OPCML: variants seen among roughly 807,000 people sequenced by gnomAD.
OPCML encodes the protein opioid binding protein/cell adhesion molecule like.
OPCML carries 13 observed loss-of-function variants against 37.8 expected under a neutral mutation model. The ratio of observed to expected loss-of-function variants is 0.34; its 90% CI spans 0.22 to 0.55. OPCML has a LOEUF of 0.55. OPCML is among the 20% of genes least tolerant of loss of function. The probability of loss-of-function intolerance (pLI) is 0.91; values close to 1 mark genes in which losing one functional copy is unlikely to be tolerated. For missense variants in OPCML, 341 were observed against 435.6 expected, an observed-to-expected ratio of 0.78 and a Z score of 1.93; for synonymous variants, 176 against 168.8, an observed-to-expected ratio of 1.04 and a Z score of -0.33.
intron 1 of OPCML, among the ~76,000 whole-genome samples, chr11:133,048,343 G>A (rs375425246): frequency 2.6e-5 from 4 of 151,942 alleles, no homozygotes; most frequent in Non-Finnish European, 1.5e-5. Context: ...ACAAGCAGAC[G>A]GACTAGAGAG....
chr11:132,416,526 T>G lies in OPCML; in HGVS notation c.*3667A>C, dbSNP rs373912813. ...CTTTGTTGAAGGCAAATTGACTGAA[T>G]TGATGCAGAAAAAGATTCTGAAACC... On this transcript the variant is annotated 3_prime_UTR_variant, in exon 8 of 8. Transcript: ENST00000524381. 6.7e-4 allele frequency: 102 copies of G among 152,314 alleles called. No individual in the cohort carries two copies. Among genetic ancestry groups the G allele is most frequent in the African/African-American group, 2.5e-3 (102 of 41,562 alleles). 9.4% of individuals were successfully genotyped at this position (152,314 alleles called of 1,614,324 possible).
intron 3 of OPCML, among the ~76,000 whole-genome samples, chr11:132,641,800 G>T (rs535822905): frequency 9.9e-4 from 150 of 152,222 alleles, no homozygotes; most frequent in Non-Finnish European, 1.0e-3. Context: ...CAGAACCAAG[G>T]ACTGGGAAGC....
At chr11:133,463,087 G>A (rs1268393960) in intron 1 of OPCML, among the ~76,000 whole-genome samples, 1 of 127,936 alleles carries the variant, frequency 7.8e-6, no homozygotes, top group Non-Finnish European at 1.5e-5. Flanking sequence ...GCCACAAAAG[G>A]CAAGCACTGT....
At chr11:133,378,079 A>C (rs1262163646) in intron 1 of OPCML, among the ~76,000 whole-genome samples, 2 of 152,070 alleles carry the variant, frequency 1.3e-5, no homozygotes, top group Non-Finnish European at 2.9e-5. Flanking sequence ...AGCTTATCCA[A>C]TTTTTCTTTT....
intron 2 of OPCML, among the ~76,000 whole-genome samples, chr11:132,834,295 A>T (rs1010217423): frequency 1.3e-5 from 2 of 152,206 alleles, no homozygotes; most frequent in Non-Finnish European, 2.9e-5. Flanking sequence ...CAGTGCAATG[A>T]CATTAATATT....
At chr11:133,451,856 G>A (rs143150989) in intron 1 of OPCML, among the ~76,000 whole-genome samples, 70 of 150,920 alleles carry the variant, frequency 4.6e-4, no homozygotes, top group East Asian at 1.9e-4. Flanking sequence ...AAAAAAAATC[G>A]GTTTAAATAT....
intron 4 of OPCML, among the ~76,000 whole-genome samples, chr11:132,486,252 C>A (rs2096199451): frequency 6.6e-6 from 1 of 152,160 alleles, no homozygotes; most frequent in African/African-American, 2.4e-5. Flanking sequence ...CTGTTGACAG[C>A]ATACGTGTCA....
intron 1 of OPCML, among the ~76,000 whole-genome samples, chr11:133,292,236 A>G (rs1219437495): frequency 6.6e-6 from 1 of 152,072 alleles, no homozygotes; most frequent in East Asian, 1.9e-4. Context: ...AAAAAGAGAG[A>G]TCTCTTTTCT....
intron 1 of OPCML, among the ~76,000 whole-genome samples, chr11:133,253,810 C>G (rs1941222869): frequency 6.8e-6 from 1 of 147,356 alleles, no homozygotes; most frequent in African/African-American, 2.5e-5. Context: ...TTTCCTTTTT[C>G]CCTCCTTCCC....
intron 2 of OPCML, among the ~76,000 whole-genome samples, chr11:132,664,434 A>G (rs552122269): frequency 6.8e-4 from 104 of 152,268 alleles, no homozygotes; most frequent in African/African-American, 2.4e-3. Context: ...ACATTCCCCC[A>G]TATTATCTTG....
intron 4 of OPCML, among the ~76,000 whole-genome samples, chr11:132,504,122 T>A (rs1210101781): frequency 6.6e-6 from 1 of 152,200 alleles, no homozygotes; most frequent in African/African-American, 2.4e-5. Flanking sequence ...GATTGAAGAA[T>A]AATCTAGTTC....
At chr11:132,587,527 C>A (rs892192842) in intron 3 of OPCML, among the ~76,000 whole-genome samples, 1 of 152,192 alleles carries the variant, frequency 6.6e-6, no homozygotes, top group East Asian at 1.9e-4. Context: ...CCAGCCCACA[C>A]CAGTGATGCT....
chr11:133,173,470 C>T lies in OPCML; in HGVS notation c.62-230460G>A, dbSNP rs910773266. 1.4e-4 allele frequency among the ~76,000 whole-genome samples: 21 copies of T among 152,260 alleles called. No homozygotes were observed. Among genetic ancestry groups the T allele is most frequent in the African/African-American group, 4.8e-4 (20 of 41,546 alleles). ...TAAATAAATGAGCAACCACTAGCCA[C>T]AGATGGATTCCTAGAATCTACAGCA... On this transcript the variant is annotated intron_variant, in intron 1 of 7. Coordinates refer to ENST00000524381, the MANE Select transcript of OPCML (RefSeq NM_001012393.5). The surrounding 1 kb of genome is among the most constrained non-coding windows in gnomAD (Gnocchi z 7.8).
intron 3 of OPCML, among the ~76,000 whole-genome samples, chr11:132,583,302 T>A (rs941848736): frequency 6.6e-6 from 1 of 151,972 alleles, no homozygotes; most frequent in Non-Finnish European, 1.5e-5. Context: ...TTTTTGTTTG[T>A]TTGTTTGTTT....
chr11:133,155,493 C>A (rs924060106), intron 1 of OPCML, among the ~76,000 whole-genome samples: 3 of 152,046 alleles, frequency 2.0e-5, no homozygotes, highest in African/African-American at 7.2e-5. Context: ...GTTTCTCCAC[C>A]TTTTTGGCCA....
chr11:132,569,943 C>T (rs2096433388), intron 3 of OPCML, among the ~76,000 whole-genome samples: 1 of 148,842 alleles, frequency 6.7e-6, no homozygotes, highest in South Asian at 2.1e-4. Flanking sequence ...CTAAATGATG[C>T]ATTCAGTGAA....
chr11:132,779,842 G>A (rs1190912242), intron 2 of OPCML, among the ~76,000 whole-genome samples: 1 of 152,178 alleles, frequency 6.6e-6, no homozygotes. Flanking sequence ...TTAATGGTCT[G>A]ATTAATTCAT....
chr11:132,978,767 A>C (rs1003926883), intron 1 of OPCML, among the ~76,000 whole-genome samples: 1 of 152,046 alleles, frequency 6.6e-6, no homozygotes, highest in Admixed American at 6.6e-5. Flanking sequence ...ACTCAAATAC[A>C]TTTGCATATG....
chr11:133,528,428 G>A (rs1948533004), intron 1 of OPCML, among the ~76,000 whole-genome samples: 1 of 152,172 alleles, frequency 6.6e-6, no homozygotes, highest in Admixed American at 6.5e-5. Context: ...TCTGGCGCGT[G>A]GATTCCCCCA....
Sources: gnomAD v4.1 joint callset for allele counts (sites outside exome capture counted in the v4.1 genomes callset) on GRCh38, gnomAD v4.1.1 for gene constraint, Gnocchi (gnomAD v3.1) non-coding constraint, MANE v1.5 for transcripts, NCBI Gene and HGNC (gene_info 2026-07-23, HGNC 2026-07-21) for gene names.